Variants in ANKRD28 observed in about 807,000 individuals in gnomAD.
The protein encoded by ANKRD28 is serine/threonine-protein phosphatase 6 regulatory ankyrin repeat subunit A.
ANKRD28 carries 44 observed loss-of-function variants against 126.5 expected under a neutral mutation model. That is an observed-to-expected ratio of 0.35 (90% CI 0.27 to 0.45). The LOEUF (loss-of-function observed/expected upper bound fraction) is 0.45, where lower values mean the gene tolerates loss of function less well. Among genes scored for constraint, ANKRD28 ranks in the 20% least tolerant of loss-of-function variants. The pLI, the probability that ANKRD28 is intolerant of heterozygous loss-of-function variation, is 1.00. For synonymous variants in ANKRD28, 442 were observed against 468.5 expected, an observed-to-expected ratio of 0.94 and a Z score of 0.73; for missense variants, 1,110 against 1,316.6, an observed-to-expected ratio of 0.84 and a Z score of 2.43.
At chr3:15,706,849 A>G (rs1033911064) in intron 14 of ANKRD28, among the ~76,000 whole-genome samples, 2 of 152,168 alleles carry the variant, frequency 1.3e-5, no homozygotes, top group Non-Finnish European at 2.9e-5. Flanking sequence ...AGTGATGATG[A>G]GCATTTTTTC....
At chr3:15,837,661 A>C (rs12634892) in intron 1 of ANKRD28, among the ~76,000 whole-genome samples, 1 of 151,854 alleles carries the variant, frequency 6.6e-6, no homozygotes, top group East Asian at 1.9e-4. Flanking sequence ...TTAGAGGGAA[A>C]ATTATAGCTG....
chr3:15,842,528 G>A (rs2061444571), intron 1 of ANKRD28, among the ~76,000 whole-genome samples: 1 of 151,866 alleles, frequency 6.6e-6, no homozygotes, highest in Admixed American at 6.6e-5. Flanking sequence ...AGCACATCAG[G>A]GTGACTATAG....
intron 21 of ANKRD28, among the ~76,000 whole-genome samples, chr3:15,683,333 T>C (rs532689198): frequency 6.6e-6 from 1 of 152,312 alleles, no homozygotes. Context: ...TTGTAAAATG[T>C]CAAGTCACAT....
At chr3:15,719,174 T>C (rs1012214335) in intron 8 of ANKRD28, among the ~76,000 whole-genome samples, 17 of 152,204 alleles carry the variant, frequency 1.1e-4, no homozygotes, top group Non-Finnish European at 2.4e-4. Flanking sequence ...ATACATTTTG[T>C]CCTGTAGTTG....
intron 14 of ANKRD28, among the ~76,000 whole-genome samples, chr3:15,698,495 C>G (rs1285107764): frequency 2.6e-5 from 4 of 152,180 alleles, no homozygotes. Context: ...AAAACCCCAT[C>G]GTCTCAGCTC....
At position 15,816,899 on chromosome 3, in the gene ANKRD28, T is replaced by C. The variant is rs528243082; in HGVS notation, c.28-21593A>G. On this transcript the variant is annotated intron_variant, in intron 1 of 27. Coordinates refer to the ANKRD28 transcript ENST00000399451. This position sits in a 1 kb window ranked among gnomAD's most constrained non-coding sequence, Gnocchi z 5.0. ...AACACATCTGAAAACCCATCTCTAT[T>C]AAAAAAGAGGAGGGAGGTAGCCACA... Among the ~76,000 whole-genome samples the C allele has an allele frequency of 1.3e-5, 2 of 152,138 alleles. No individual in the cohort carries two copies. The highest frequency in any genetic ancestry group is 4.1e-4 in the South Asian group (2 of 4,826).
intron 24 of ANKRD28, among the ~76,000 whole-genome samples, chr3:15,677,774 G>A (rs1377132619): frequency 6.6e-6 from 1 of 152,068 alleles, no homozygotes; most frequent in Non-Finnish European, 1.5e-5. Context: ...TCTAACAATG[G>A]CAATTAACAT....
At chr3:15,713,457 C>G in intron 10 of ANKRD28, 70 bp downstream of exon 10, 1 of 1,189,120 alleles carries the variant, frequency 8.4e-7, no homozygotes, top group Admixed American at 2.2e-5. Context: ...CGTGAAATGT[C>G]TAGAAAACTG....
intron 2 of ANKRD28, among the ~76,000 whole-genome samples, chr3:15,782,011 CTT>C (rs2059561612): frequency 6.6e-6 from 1 of 152,074 alleles, no homozygotes; most frequent in Admixed American, 6.6e-5. Flanking sequence ...CCTTACTACT[CTT>C]TTCTGACAGT....
At chr3:15,740,522 T>C (rs2075376531) in intron 4 of ANKRD28, among the ~76,000 whole-genome samples, 2 of 152,270 alleles carry the variant, frequency 1.3e-5, no homozygotes, top group Middle Eastern at 6.8e-3. Flanking sequence ...ACTAACACTA[T>C]ATTGGGAAAT....
chr3:15,762,190 AAAAAAAAAAAAAAAAAAAAAAAACAAAAC>A (rs59504701), intron 3 of ANKRD28, among the ~76,000 whole-genome samples: 63,170 of 119,230 alleles, frequency 0.53, 16,000 homozygotes, highest in Middle Eastern at 0.61. Flanking sequence ...TATGTCTTTA[AAAAAAAAAAAAAAAAAAAAAAAACAAAAC>A]AAAAAAAAAA....
rs1385574593 is a variant in ANKRD28 at position 15,838,504 on chromosome 3, C to T, written c.27+20873G>A. ...CTATAATCCCAGCACTTTGGGAGGC[C>T]GAGGCGGGCAGATCACCTGAGGTCA... is the stretch of plus-strand genomic sequence containing the variant. On this transcript the variant is annotated intron_variant, in intron 1 of 27. Transcript: ENST00000399451. This position sits in a 1 kb window ranked among gnomAD's most constrained non-coding sequence, Gnocchi z 4.0. 1.3e-5 allele frequency among the ~76,000 whole-genome samples: 2 copies of T among 152,032 alleles called. No homozygotes were observed. Among genetic ancestry groups the T allele is most frequent in the East Asian group, 1.9e-4 (1 of 5,190 alleles).
intron 1 of ANKRD28, among the ~76,000 whole-genome samples, chr3:15,808,510 T>G (rs1242879409): frequency 6.6e-6 from 1 of 152,252 alleles, no homozygotes; most frequent in South Asian, 2.1e-4. Context: ...CTTTCATTTA[T>G]TCAATAGTCA....
intron 6 of ANKRD28, among the ~76,000 whole-genome samples, chr3:15,727,109 C>T (rs1424696962): frequency 2.6e-5 from 4 of 152,180 alleles, no homozygotes. Flanking sequence ...CTGTTGTTTT[C>T]GTGCCTGCTA....
In ANKRD28 at chr3:15,724,371, A is replaced by C; in HGVS notation, c.783+11T>G. ...TTCCATAATTTTATACTGTTCAATT[A>C]ATATACCTACATCAACTCCAAGATC... On this transcript the variant is annotated intron_variant, in intron 7 of 27. Transcript: ENST00000683139. 2 of 1,595,818 alleles carry C rather than the reference A, an allele frequency of 1.3e-6. No homozygotes were observed. The highest frequency in any genetic ancestry group is 1.7e-6 in the Non-Finnish European group (2 of 1,170,708).
intron 1 of ANKRD28, among the ~76,000 whole-genome samples, chr3:15,824,494 A>C (rs1303597642): frequency 2.0e-5 from 3 of 152,214 alleles, no homozygotes; most frequent in Admixed American, 6.5e-5. Context: ...CTAATGAACA[A>C]ATTCAGCAAA....
chr3:15,713,402 G>A lies in ANKRD28; in HGVS notation c.1190+125C>T. 5 of 688,772 alleles carry A rather than the reference G, an allele frequency of 7.3e-6. 1 individual carries two copies. In the South Asian group the frequency reaches 9.5e-5, roughly 13 times the overall value. The allele number at this position is 688,772 out of a possible 1,614,324, so 42.7% of individuals were successfully genotyped here. On this transcript the variant is annotated intron_variant, in intron 10 of 27. Coordinates refer to ENST00000683139, the MANE Select transcript of ANKRD28 (RefSeq NM_001349278.2). ...TACCACTTTGTCAATACAAAAGAAAGTTCAAGCAATTAATACAACATTGAG... is the reference window on the plus strand; with the variant it reads ...TACCACTTTGTCAATACAAAAGAAAATTCAAGCAATTAATACAACATTGAG...
chr3:15,745,059 T>C (rs886223250), intron 4 of ANKRD28, among the ~76,000 whole-genome samples: 3 of 152,230 alleles, frequency 2.0e-5, no homozygotes, highest in African/African-American at 7.2e-5. Context: ...TCTATTCATG[T>C]CCTTAGCCCA....
rs549441987 is a variant in ANKRD28, at chr3:15,735,540, C to G, written c.553-43G>C. On this transcript the variant is annotated intron_variant, in intron 5 of 27. Coordinates refer to ENST00000683139, the MANE Select transcript of ANKRD28 (RefSeq NM_001349278.2). ...ACAGTGTCATCAAAATTGTGAAGCA[C>G]AATTGTCTATGAATGTACATTTCTG... The G allele has an allele frequency of 2.3e-5, 32 of 1,412,854 alleles. No individual in the cohort carries two copies. In the African/African-American group the frequency reaches 4.6e-4, roughly 20 times the overall value. 87.5% of individuals were successfully genotyped at this position (1,412,854 alleles called of 1,614,324 possible).
Sources: gnomAD v4.1 joint callset for allele counts (sites outside exome capture counted in the v4.1 genomes callset) on GRCh38, gnomAD v4.1.1 for gene constraint, Gnocchi (gnomAD v3.1) non-coding constraint, MANE v1.5 for transcripts, NCBI Gene and HGNC (gene_info 2026-07-23, HGNC 2026-07-21) for gene names.